Variants in IL1RAPL2 observed in about 807,000 individuals in gnomAD.
IL1RAPL2 encodes the protein X-linked interleukin-1 receptor accessory protein-like 2.
IL1RAPL2 carries 3 observed loss-of-function variants against 44.1 expected under a neutral mutation model. The observed-to-expected ratio is 0.07, with a 90% confidence interval of 0.03 to 0.18. The LOEUF (loss-of-function observed/expected upper bound fraction) is 0.18, where lower values mean the gene tolerates loss of function less well. IL1RAPL2 is among the 10% of genes least tolerant of loss of function. IL1RAPL2 has a pLI of 1.00. For synonymous variants in IL1RAPL2, 181 were observed against 178.8 expected (o/e 1.01, Z -0.10); for missense variants, 391 against 496.4 (o/e 0.79, Z 2.02).
intron 5 of IL1RAPL2, among the ~76,000 whole-genome samples, chrX:105,308,412 A>T (rs1354743638): frequency 8.9e-6 from 1 of 112,071 alleles, no homozygotes; most frequent in Non-Finnish European, 1.9e-5. Flanking sequence ...GACTCAATGA[A>T]TTTTGTCAAA....
intron 1 of IL1RAPL2, among the ~76,000 whole-genome samples, chrX:104,618,129 C>T (rs1327618802): frequency 1.8e-5 from 2 of 111,945 alleles, no homozygotes; most frequent in Non-Finnish European, 3.8e-5. Flanking sequence ...TAGCCCTATG[C>T]ACTTTTGGGG....
chrX:105,706,577 G>C (rs1177925479), intron 6 of IL1RAPL2, among the ~76,000 whole-genome samples: 1 of 111,323 alleles, frequency 9.0e-6, no homozygotes, highest in Non-Finnish European at 1.9e-5. Context: ...CTAGCAGGAT[G>C]GCTGGCTCAG....
At chrX:104,653,832 G>C (rs1930199997) in intron 1 of IL1RAPL2, among the ~76,000 whole-genome samples, 1 of 111,094 alleles carries the variant, frequency 9.0e-6, no homozygotes, top group Admixed American at 9.6e-5. Context: ...AGAGGCTATT[G>C]CCTTTCCAGG....
intron 6 of IL1RAPL2, among the ~76,000 whole-genome samples, chrX:105,600,291 G>GT (rs1360457559): frequency 1.8e-5 from 2 of 109,787 alleles, no homozygotes; most frequent in African/African-American, 6.6e-5. Flanking sequence ...CCTGCACGTA[G>GT]TTTTTTTTCT....
intron 6 of IL1RAPL2, among the ~76,000 whole-genome samples, chrX:105,601,506 C>G (rs932047086): frequency 3.6e-5 from 4 of 111,107 alleles, no homozygotes; most frequent in Non-Finnish European, 7.5e-5. Context: ...AGACTCCCCT[C>G]CCTATTATAG....
At chrX:104,727,408 G>A (rs1268332163) in intron 2 of IL1RAPL2, among the ~76,000 whole-genome samples, 2 of 111,223 alleles carry the variant, frequency 1.8e-5, no homozygotes, top group African/African-American at 6.5e-5. Context: ...TAGTCAAAAT[G>A]GATATTATTA....
chrX:104,611,429 A>G (rs1929156038), intron 1 of IL1RAPL2, among the ~76,000 whole-genome samples: 1 of 110,838 alleles, frequency 9.0e-6, no homozygotes, highest in African/African-American at 3.3e-5. Flanking sequence ...ACTTCCTGGC[A>G]GCTTTCTTTA....
chrX:105,764,475 T>G (rs1354954822), intron 10 of IL1RAPL2, among the ~76,000 whole-genome samples: 2 of 111,852 alleles, frequency 1.8e-5, no homozygotes, highest in African/African-American at 3.3e-5. Flanking sequence ...TGTGGATACC[T>G]GGGTTGTAAT....
chrX:105,030,046 T>C (rs1379880873), intron 2 of IL1RAPL2, among the ~76,000 whole-genome samples: 1 of 112,281 alleles, frequency 8.9e-6, no homozygotes, highest in Non-Finnish European at 1.9e-5. Context: ...GGCATAAATG[T>C]CTTCTTTTGA....
At position 105,158,358 on chromosome X, in the gene IL1RAPL2, C is replaced by CA. The variant is rs764577921; in HGVS notation, c.83-37107dup. Among the ~76,000 whole-genome samples, 928 of 99,155 alleles carry CA rather than the reference C, an allele frequency of 9.4e-3. 11 individuals are homozygous for CA. The highest frequency in any genetic ancestry group is 0.044 in the Admixed American group (410 of 9,287). The allele number at this position is 99,155 out of a possible 115,157, so 86.1% of individuals were successfully genotyped here. On this transcript the variant is annotated intron_variant, in intron 2 of 10. Coordinates refer to ENST00000372582, the MANE Select transcript of IL1RAPL2 (RefSeq NM_017416.2). ...TGGGTGACAGAGCGAGACTCCGTCT[C>CA]AAAAAAAAAAGAAAAAATCTAGGCA...
rs1484639894 is a variant in IL1RAPL2, at chrX:104,764,819, G to A, written c.82+105824G>A. Among the ~76,000 whole-genome samples, 5 of 112,035 alleles carry A rather than the reference G, an allele frequency of 4.5e-5. No individual in the cohort carries two copies. The East Asian group carries it at 1.4e-3, about 31-fold the overall frequency. On this transcript the variant is annotated intron_variant, in intron 2 of 10. Transcript: ENST00000372582. ...CATCATCAATTGAAATGATCACTAGGTTTTTATCCTTCATTCTGTCGATAT... is the reference window on the plus strand; with the variant it reads ...CATCATCAATTGAAATGATCACTAGATTTTTATCCTTCATTCTGTCGATAT...
chrX:104,699,858 C>G (rs1035622354), intron 2 of IL1RAPL2, among the ~76,000 whole-genome samples: 1 of 111,796 alleles, frequency 8.9e-6, no homozygotes, highest in Non-Finnish European at 1.9e-5. Context: ...AGGACATGGT[C>G]CTTGTGTGCA....
chrX:104,814,370 C>T (rs1035468231), intron 2 of IL1RAPL2, among the ~76,000 whole-genome samples: 1 of 112,119 alleles, frequency 8.9e-6, no homozygotes, highest in Non-Finnish European at 1.9e-5. Flanking sequence ...TGATTTATTG[C>T]ATTGAATTAG....
intron 2 of IL1RAPL2, among the ~76,000 whole-genome samples, chrX:104,978,929 A>G (rs1284943315): frequency 8.9e-6 from 1 of 111,818 alleles, no homozygotes; most frequent in Non-Finnish European, 1.9e-5. Flanking sequence ...TAGGAAGACA[A>G]TAGTGAAAAG....
intron 2 of IL1RAPL2, among the ~76,000 whole-genome samples, chrX:105,080,851 A>G (rs750972193): frequency 1.8e-5 from 2 of 111,969 alleles, no homozygotes; most frequent in Non-Finnish European, 3.8e-5. Flanking sequence ...ATCCATGAGC[A>G]TAGAATGTTT....
chrX:105,675,544 G>A (rs1462864216), intron 6 of IL1RAPL2, among the ~76,000 whole-genome samples: 1 of 111,881 alleles, frequency 8.9e-6, no homozygotes, highest in Non-Finnish European at 1.9e-5. Context: ...TTCATGATGC[G>A]CTGCTGCATT....
intron 2 of IL1RAPL2, among the ~76,000 whole-genome samples, chrX:104,758,191 C>A (rs1049807819): frequency 1.8e-5 from 2 of 111,623 alleles, no homozygotes; most frequent in African/African-American, 6.5e-5. Context: ...TTGTGACATT[C>A]TTTTCCCTGA....
chrX:104,655,916 G>A (rs894126546), intron 1 of IL1RAPL2, among the ~76,000 whole-genome samples: 14 of 111,337 alleles, frequency 1.3e-4, no homozygotes, highest in Admixed American at 2.9e-4. Context: ...TGTATGTGTC[G>A]AGGAATTTAT....
intron 2 of IL1RAPL2, among the ~76,000 whole-genome samples, chrX:104,720,253 T>A (rs1330699347): frequency 9.0e-6 from 1 of 111,648 alleles, no homozygotes; most frequent in East Asian, 2.8e-4. Flanking sequence ...TGTTGGGTTT[T>A]ATTAGTGTCA....
Sources: allele counts gnomAD v4.1 joint callset (sites outside exome capture counted in the v4.1 genomes callset), GRCh38; gene constraint gnomAD v4.1.1; transcripts MANE v1.5; gene names NCBI Gene and HGNC (gene_info 2026-07-23, HGNC 2026-07-21).